The following TRAPPC9 variants were observed in gnomAD, a reference collection of about 807,000 sequenced individuals.
TRAPPC9 encodes IKK2 binding protein.
In TRAPPC9, 83 loss-of-function variants were observed where a neutral mutation model predicts 124.0. The ratio of observed to expected loss-of-function variants is 0.67; its 90% CI spans 0.56 to 0.80. TRAPPC9 has a LOEUF of 0.80. Ranked by LOEUF, TRAPPC9 falls within the 30% of genes least tolerant of loss-of-function variation. The probability of loss-of-function intolerance (pLI) is 0.00; values close to 1 mark genes in which losing one functional copy is unlikely to be tolerated. For missense variants in TRAPPC9, 1,302 were observed against 1,508.3 expected (o/e 0.86, Z 2.27); for synonymous variants, 638 against 617.5 (o/e 1.03, Z -0.49).
chr8:140,295,307 C>A (rs1350108978), intron 11 of TRAPPC9, among the ~76,000 whole-genome samples: 1 of 152,200 alleles, frequency 6.6e-6, no homozygotes, highest in Non-Finnish European at 1.5e-5. Flanking sequence ...TCCTCAAAAC[C>A]ACCCTCCGTG....
At chr8:139,990,271 G>A (rs1837540880) in intron 18 of TRAPPC9, among the ~76,000 whole-genome samples, 1 of 152,186 alleles carries the variant, frequency 6.6e-6, no homozygotes, top group African/African-American at 2.4e-5. Flanking sequence ...GGAGGCTCAG[G>A]AGAGGACAGC....
At chr8:140,274,967 C>A (rs1425872038) in intron 15 of TRAPPC9, among the ~76,000 whole-genome samples, 1 of 152,154 alleles carries the variant, frequency 6.6e-6, no homozygotes, top group Non-Finnish European at 1.5e-5. Context: ...CCTACAATTT[C>A]TCTAACTGTA....
At position 139,742,941 on chromosome 8, in the gene TRAPPC9, G is replaced by A. The variant is rs905290334; in HGVS notation, c.3056-10739C>T. 1.3e-5 allele frequency among the ~76,000 whole-genome samples: 2 copies of A among 152,144 alleles called. No individual in the cohort carries two copies. The highest frequency in any genetic ancestry group is 2.9e-5 in the Non-Finnish European group (2 of 68,010). On this transcript the variant is annotated intron_variant, in intron 21 of 22. Coordinates refer to ENST00000438773, the MANE Select transcript of TRAPPC9 (RefSeq NM_001160372.4). The surrounding 1 kb of genome is among the most constrained non-coding windows in gnomAD (Gnocchi z 4.7). The stretch of plus-strand genomic sequence containing the variant: ...GAGAGGCGGGTTTCCTCTGTCTAGG[G>A]TGGTGCTGAGCATGAGTTTCTGCCG...
At chr8:139,985,639 G>A (rs1837195575) in intron 19 of TRAPPC9, among the ~76,000 whole-genome samples, 2 of 152,200 alleles carry the variant, frequency 1.3e-5, no homozygotes, top group East Asian at 3.9e-4. Flanking sequence ...TCAAAGGCAG[G>A]CCATAAATGT....
rs1023897293 is a variant in TRAPPC9 at position 140,262,526 on chromosome 8, G to A, written c.2279-9597C>T. 8 of 151,752 alleles carry A rather than the reference G, an allele frequency of 5.3e-5. 1 individual carries two copies. The highest frequency in any genetic ancestry group is 1.2e-4 in the African/African-American group (5 of 41,030). The allele number at this position is 151,752 out of a possible 1,614,324, so 9.4% of individuals were successfully genotyped here. A position where few individuals can be genotyped will look rare whatever the true frequency, so the allele number is the denominator to read the frequency against. On this transcript the variant is annotated intron_variant, in intron 15 of 22. Transcript: ENST00000438773. ...CCGCTGCAATTGTGTATACGGTGGGGGGGGGCAGCAAGTTGAATGACTTTT... is the reference window on the plus strand; with the variant it reads ...CCGCTGCAATTGTGTATACGGTGGGAGGGGGCAGCAAGTTGAATGACTTTT...
intron 17 of TRAPPC9, among the ~76,000 whole-genome samples, chr8:140,091,246 T>C (rs1844550794): frequency 6.6e-6 from 1 of 152,210 alleles, no homozygotes; most frequent in South Asian, 2.1e-4. Context: ...CCCCCTGAGA[T>C]ATCTGCCTTC....
At chr8:140,272,292 T>TGACAG (rs2064953835) in intron 15 of TRAPPC9, among the ~76,000 whole-genome samples, 2 of 99,704 alleles carry the variant, frequency 2.0e-5, no homozygotes, top group East Asian at 5.3e-3. Flanking sequence ...GTGGTGGCAG[T>TGACAG]TGTGACAGTG....
chr8:139,935,611 T>C (rs1055178107), intron 19 of TRAPPC9, among the ~76,000 whole-genome samples: 4 of 151,430 alleles, frequency 2.6e-5, no homozygotes, highest in Non-Finnish European at 5.9e-5. Flanking sequence ...GGATATGATA[T>C]GATATGGCAT....
At chr8:140,027,333 T>C (rs1037532511) in intron 17 of TRAPPC9, among the ~76,000 whole-genome samples, 1 of 152,196 alleles carries the variant, frequency 6.6e-6, no homozygotes, top group African/African-American at 2.4e-5. Context: ...ACAGTGGTCA[T>C]GGAAATAAAC....
intron 21 of TRAPPC9, among the ~76,000 whole-genome samples, chr8:139,845,449 C>G (rs558619551): frequency 6.6e-6 from 1 of 152,346 alleles, no homozygotes; most frequent in South Asian, 2.1e-4. Context: ...CTTTCTCCCT[C>G]CAAAAGAATG....
chr8:139,931,160 G>A (rs116427530), intron 19 of TRAPPC9: 42 of 152,182 alleles, frequency 2.8e-4, no homozygotes, highest in African/African-American at 8.7e-4. Flanking sequence ...GAAACACTTC[G>A]ACCTCATGAG....
chr8:140,325,590 C>G (rs1276134009), intron 9 of TRAPPC9, among the ~76,000 whole-genome samples: 1 of 152,134 alleles, frequency 6.6e-6, no homozygotes, highest in African/African-American at 2.4e-5. Flanking sequence ...TCTTAATAGT[C>G]CTGTATTTAT....
At chr8:139,754,428 TCTGGGTGCTGCTTGCAGACAG>T (rs1043502186) in intron 21 of TRAPPC9, among the ~76,000 whole-genome samples, 7 of 152,228 alleles carry the variant, frequency 4.6e-5, no homozygotes, top group African/African-American at 1.2e-4. Context: ...CCACAGGCAC[TCTGGGTGCTGCTTGCAGACAG>T]CTGGGTGCTG....
At chr8:140,286,086 A>G (rs189279466) in intron 13 of TRAPPC9, among the ~76,000 whole-genome samples, 1 of 152,346 alleles carries the variant, frequency 6.6e-6, no homozygotes, top group East Asian at 1.9e-4. Context: ...CAGCGAGCCC[A>G]TGCCGAGGAA....
At chr8:140,374,408 A>G (rs949285738) in intron 7 of TRAPPC9, among the ~76,000 whole-genome samples, 10 of 152,004 alleles carry the variant, frequency 6.6e-5, no homozygotes, top group Admixed American at 1.3e-4. Context: ...CGTCTCTACT[A>G]AAAAATACAA....
At chr8:140,347,045 T>A (rs1470360994) in intron 9 of TRAPPC9, among the ~76,000 whole-genome samples, 2 of 152,146 alleles carry the variant, frequency 1.3e-5, no homozygotes, top group Non-Finnish European at 2.9e-5. Context: ...CTGGGCAGCA[T>A]CCCACCCATA....
At chr8:140,118,177 C>T (rs1407437795) in intron 17 of TRAPPC9, among the ~76,000 whole-genome samples, 1 of 152,194 alleles carries the variant, frequency 6.6e-6, no homozygotes, top group Non-Finnish European at 1.5e-5. Context: ...CGCTTTGATA[C>T]CGAGGAGCAA....
At chr8:140,432,598 C>G (rs2070681783) in intron 4 of TRAPPC9, among the ~76,000 whole-genome samples, 2 of 152,200 alleles carry the variant, frequency 1.3e-5, no homozygotes, top group Admixed American at 1.3e-4. Context: ...TCTGGCCGGG[C>G]ACAGTGGCTC....
At chr8:140,280,824 C>T (rs2065289770) in intron 14 of TRAPPC9, among the ~76,000 whole-genome samples, 1 of 152,240 alleles carries the variant, frequency 6.6e-6, no homozygotes, top group Non-Finnish European at 1.5e-5. Flanking sequence ...CTGGCAGTCT[C>T]AGGCAGCCGC....
Sources: gnomAD v4.1 joint callset for allele counts (sites outside exome capture counted in the v4.1 genomes callset) on GRCh38, gnomAD v4.1.1 for gene constraint, Gnocchi (gnomAD v3.1) non-coding constraint, MANE v1.5 for transcripts, NCBI Gene and HGNC (gene_info 2026-07-23, HGNC 2026-07-21) for gene names.